CSNK1G3: variants seen among roughly 807,000 people sequenced by gnomAD.
The protein encoded by CSNK1G3 is casein kinase I isoform gamma-3.
Under a neutral mutation model 64.3 loss-of-function variants are expected in CSNK1G3, and 23 were observed. The ratio of observed to expected loss-of-function variants is 0.36; its 90% CI spans 0.26 to 0.51. CSNK1G3 has a LOEUF of 0.51. Ranked by LOEUF, CSNK1G3 falls within the 20% of genes least tolerant of loss-of-function variation. The pLI is 0.96. For missense variants in CSNK1G3, 357 were observed against 510.5 expected, an observed-to-expected ratio of 0.70 and a Z score of 2.90; for synonymous variants, 158 against 162.2, an observed-to-expected ratio of 0.97 and a Z score of 0.20.
chr5:123,532,647 A>G (rs941272531), intron 1 of CSNK1G3, among the ~76,000 whole-genome samples: 3 of 151,880 alleles, frequency 2.0e-5, no homozygotes, highest in African/African-American at 4.8e-5. Flanking sequence ...GTCTGTTTTC[A>G]TTAAAAGTAA....
intron 6 of CSNK1G3, among the ~76,000 whole-genome samples, chr5:123,584,300 C>T (rs753893558): frequency 9.9e-5 from 15 of 151,650 alleles, no homozygotes; most frequent in Admixed American, 2.6e-4. Context: ...TGACATTTTT[C>T]GTAGTTGTTG....
intron 6 of CSNK1G3, among the ~76,000 whole-genome samples, chr5:123,577,585 C>T (rs1228951068): frequency 2.6e-5 from 4 of 151,666 alleles, no homozygotes; most frequent in African/African-American, 9.7e-5. Flanking sequence ...CTGGCTATCA[C>T]TACTTACAAT....
intron 12 of CSNK1G3, among the ~76,000 whole-genome samples, chr5:123,605,690 A>C (rs1311735381): frequency 6.6e-6 from 1 of 152,042 alleles, no homozygotes; most frequent in African/African-American, 2.4e-5. Context: ...AGAAAGATAG[A>C]TTTTTGCATT....
intron 4 of CSNK1G3, among the ~76,000 whole-genome samples, chr5:123,565,099 C>T (rs1168583522): frequency 6.6e-6 from 1 of 152,090 alleles, no homozygotes; most frequent in African/African-American, 2.4e-5. Flanking sequence ...TGTTGATATA[C>T]TTTCCAAAAC....
intron 1 of CSNK1G3, among the ~76,000 whole-genome samples, chr5:123,538,794 A>G (rs1781232113): frequency 6.6e-6 from 1 of 152,142 alleles, no homozygotes; most frequent in South Asian, 2.1e-4. Context: ...ACTCATATAA[A>G]ATAATTTAGC....
chr5:123,591,865 C>G (rs1792426524), intron 10 of CSNK1G3, among the ~76,000 whole-genome samples: 1 of 152,054 alleles, frequency 6.6e-6, no homozygotes, highest in African/African-American at 2.4e-5. Flanking sequence ...AGAGTTCACT[C>G]AATTCTTTAG....
intron 1 of CSNK1G3, among the ~76,000 whole-genome samples, chr5:123,533,046 C>T (rs892038176): frequency 2.6e-5 from 4 of 151,890 alleles, no homozygotes; most frequent in Non-Finnish European, 4.4e-5. Flanking sequence ...CACATACTCC[C>T]AGTTTCCCTT....
chr5:123,616,122 C>T (rs1749407702), exon 13 of CSNK1G3: 1 of 152,338 alleles, frequency 6.6e-6, no homozygotes, highest in South Asian at 2.1e-4. Flanking sequence ...ACCTACAAAA[C>T]ATTTGCTGTA....
At chr5:123,561,771 AC>A (rs1785774092) in intron 4 of CSNK1G3, among the ~76,000 whole-genome samples, 1 of 152,036 alleles carries the variant, frequency 6.6e-6, no homozygotes, top group Non-Finnish European at 1.5e-5. Flanking sequence ...TATTTTCTCG[AC>A]AGTTTCTCTC....
chr5:123,599,054 A>T (rs1215393440), intron 10 of CSNK1G3, among the ~76,000 whole-genome samples: 1 of 152,186 alleles, frequency 6.6e-6, no homozygotes, highest in African/African-American at 2.4e-5. Context: ...AAAATATACC[A>T]CTGACAACAG....
chr5:123,556,974 G>C (rs937871353), intron 3 of CSNK1G3, among the ~76,000 whole-genome samples: 10 of 152,024 alleles, frequency 6.6e-5, no homozygotes, highest in African/African-American at 2.4e-4. Flanking sequence ...TGGTTATAGG[G>C]ATATATGGAG....
intron 1 of CSNK1G3, among the ~76,000 whole-genome samples, chr5:123,544,463 A>C (rs993267190): frequency 9.2e-5 from 14 of 152,192 alleles, no homozygotes; most frequent in African/African-American, 3.4e-4. Context: ...ATATAATTAG[A>C]AAATTTTTGT....
intron 4 of CSNK1G3, among the ~76,000 whole-genome samples, chr5:123,562,468 T>TA (rs1299497517): frequency 1.3e-5 from 2 of 152,198 alleles, no homozygotes; most frequent in Middle Eastern, 6.8e-3. Flanking sequence ...AATTCTTAAC[T>TA]AACAATAATA....
At chr5:123,613,036 T>A (rs1466428806) in intron 12 of CSNK1G3, among the ~76,000 whole-genome samples, 1 of 152,150 alleles carries the variant, frequency 6.6e-6, no homozygotes, top group Non-Finnish European at 1.5e-5. Context: ...TGTTTAAAGG[T>A]TAAAAGAAAA....
At chr5:123,546,857 C>A (rs202212483) in intron 2 of CSNK1G3, among the ~76,000 whole-genome samples, 1 of 152,046 alleles carries the variant, frequency 6.6e-6, no homozygotes, top group Non-Finnish European at 1.5e-5. Context: ...TTGAATGAAG[C>A]AAGCCAATAA....
intron 4 of CSNK1G3, among the ~76,000 whole-genome samples, chr5:123,570,260 T>C (rs965524934): frequency 1.3e-5 from 2 of 152,144 alleles, no homozygotes; most frequent in Non-Finnish European, 1.5e-5. Flanking sequence ...ATCTATCTTA[T>C]TCAGAAGTCA....
Position 123,590,520 on chromosome 5 carries a change from A to G in CSNK1G3, c.952A>G (p.Met318Val), listed in dbSNP as rs373790723. ...TGACTTGTTTGATCGAAAAGGATAT[A>G]TGTTTGATTATGAATATGACTGGAT... Residue 318 changes from methionine (M) to valine (V), a missense_variant, in exon 9 of 13, where the codon ATG (methionine) becomes GTG (valine). By Grantham distance (21) the Met-to-Val change is conservative (BLOSUM62 1). Transcript: ENST00000345990. The G allele has an allele frequency of 2.0e-5, 31 of 1,529,524 alleles. 1 individual carries two copies. The highest frequency in any genetic ancestry group is 2.7e-5 in the Non-Finnish European group (31 of 1,143,446). 94.7% of individuals were successfully genotyped at this position (1,529,524 alleles called of 1,614,324 possible).
At chr5:123,557,767 G>A (rs1420037988) in intron 4 of CSNK1G3, among the ~76,000 whole-genome samples, 1 of 152,050 alleles carries the variant, frequency 6.6e-6, no homozygotes, top group Non-Finnish European at 1.5e-5. Context: ...GATATGAGTA[G>A]AGAACATTGT....
At chr5:123,523,511 A>T (rs1778503934) in intron 1 of CSNK1G3, among the ~76,000 whole-genome samples, 1 of 152,114 alleles carries the variant, frequency 6.6e-6, no homozygotes, top group Non-Finnish European at 1.5e-5. Context: ...TGTGGTGGCA[A>T]AATTGGATTT....
Sources: allele counts gnomAD v4.1 joint callset (sites outside exome capture counted in the v4.1 genomes callset), GRCh38; gene constraint gnomAD v4.1.1; transcripts MANE v1.5; gene names NCBI Gene and HGNC (gene_info 2026-07-23, HGNC 2026-07-21).